The following MAP3K21 variants were observed in gnomAD, a reference collection of about 807,000 sequenced individuals.
The protein encoded by MAP3K21 is mitogen-activated protein kinase kinase kinase MLK4.
MAP3K21 carries 63 observed loss-of-function variants against 86.1 expected under a neutral mutation model. That is an observed-to-expected ratio of 0.73 (90% CI 0.60 to 0.90). The LOEUF (loss-of-function observed/expected upper bound fraction) is 0.90, where lower values mean the gene tolerates loss of function less well. MAP3K21 is among the 40% of genes least tolerant of loss of function. The probability of loss-of-function intolerance (pLI) is 0.00; values close to 1 mark genes in which losing one functional copy is unlikely to be tolerated. For synonymous variants in MAP3K21, 558 were observed against 564.8 expected (o/e 0.99, Z 0.17); for missense variants, 1,220 against 1,367.7 (o/e 0.89, Z 1.70).
intron 4 of MAP3K21, among the ~76,000 whole-genome samples, chr1:233,355,551 C>T (rs985547609): frequency 6.6e-6 from 1 of 152,178 alleles, no homozygotes; most frequent in Non-Finnish European, 1.5e-5. Context: ...TTGAATGATT[C>T]TTTGAATGCC....
intron 1 of MAP3K21, among the ~76,000 whole-genome samples, chr1:233,332,949 AT>A (rs1231267156): frequency 4.6e-5 from 7 of 151,872 alleles, no homozygotes; most frequent in African/African-American, 1.7e-4. Context: ...TATTATCTCA[AT>A]TTTTTTAGTC....
At chr1:233,349,212 A>G (rs1368368643) in intron 2 of MAP3K21, among the ~76,000 whole-genome samples, 2 of 152,196 alleles carry the variant, frequency 1.3e-5, no homozygotes, top group African/African-American at 2.4e-5. Context: ...CATTGAGTTA[A>G]TGACTAATTT....
At chr1:233,373,817 G>A (rs1476320677) in intron 6 of MAP3K21, 1 of 152,224 alleles carries the variant, frequency 6.6e-6, no homozygotes, top group African/African-American at 2.4e-5. Context: ...ACACATCTGA[G>A]TGTAGATTTC....
chr1:233,347,071 G>A (rs1572243896), intron 2 of MAP3K21, among the ~76,000 whole-genome samples: 1 of 151,956 alleles, frequency 6.6e-6, no homozygotes, highest in South Asian at 2.1e-4. Flanking sequence ...GAGGAGCGGG[G>A]GTTTAGGAGG....
intron 6 of MAP3K21, chr1:233,373,085 C>T (rs1663720590): frequency 6.6e-6 from 1 of 152,046 alleles, no homozygotes; most frequent in Admixed American, 6.5e-5. Flanking sequence ...CACCAGGATC[C>T]CCACAGAGAA....
At position 233,375,992 on chromosome 1, in the gene MAP3K21, G is replaced by A; in HGVS notation, c.1752G>A (p.Arg584=). The part of the protein sequence containing the change: ...FRQEEFEDVK[R]NFKKKGCTWG... ...AAGAAGAATTTGAGGATGTAAAAAG[G>A]AATTTTAAGAAAAAAGGTTGTACCT... is the stretch of plus-strand genomic sequence containing the variant. The change falls in exon 7 of 10, where the codon AGG becomes AGA. Residue 584 remains arginine (R), a synonymous_variant. Coordinates refer to ENST00000366624, the MANE Select transcript of MAP3K21 (RefSeq NM_032435.3). 1 of 1,607,056 alleles carries A rather than the reference G, an allele frequency of 6.2e-7. No homozygotes were observed. The highest frequency in any genetic ancestry group is 1.1e-5 in the South Asian group (1 of 88,924).
intron 4 of MAP3K21, among the ~76,000 whole-genome samples, chr1:233,360,229 T>A (rs1663441242): frequency 2.0e-5 from 3 of 152,192 alleles, no homozygotes; most frequent in African/African-American, 7.2e-5. Flanking sequence ...CCAAATACAC[T>A]ATAGTAAAAT....
intron 1 of MAP3K21, among the ~76,000 whole-genome samples, chr1:233,343,727 C>G (rs1663080849): frequency 6.6e-6 from 1 of 152,208 alleles, no homozygotes; most frequent in Admixed American, 6.5e-5. Context: ...CTGAACATCT[C>G]TGTTCCTCAG....
At chr1:233,331,413 C>G (rs1360898472) in intron 1 of MAP3K21, among the ~76,000 whole-genome samples, 3 of 152,140 alleles carry the variant, frequency 2.0e-5, no homozygotes, top group Non-Finnish European at 4.4e-5. Context: ...TGGTCTTTAT[C>G]CTGAATGTCT....
chr1:233,339,327 CTT>C (rs1558451060), intron 1 of MAP3K21, among the ~76,000 whole-genome samples: 8 of 138,446 alleles, frequency 5.8e-5, no homozygotes, highest in East Asian at 2.1e-4. Context: ...TCTTCTTCTT[CTT>C]CCTCTTCTTC....
At position 233,379,162 on chromosome 1, in the gene MAP3K21, C is replaced by T. The variant is rs141745720; in HGVS notation, c.2156C>T (p.Thr719Met). The T allele has an allele frequency of 3.8e-5, 62 of 1,614,088 alleles. No homozygotes were observed. The highest frequency in any genetic ancestry group is 3.5e-4 in the African/African-American group (26 of 74,940). Residue 719 changes from threonine to methionine, a missense_variant, in exon 9 of 10, where the codon ACG becomes ATG. Thr to Met is a moderately conservative substitution (Grantham distance 81). Transcript: ENST00000366624. ...AGTAGATCCCCCCAGAGAAAGAAAA[C>T]GGAGTCAGCTCTGTATGGGTGCACC... ...SLSRSPQRKK[T>M]ESALYGCTVL...
intron 5 of MAP3K21, among the ~76,000 whole-genome samples, chr1:233,368,571 C>T (rs1185564195): frequency 8.6e-5 from 13 of 152,000 alleles, no homozygotes. Context: ...AGGAAAATTG[C>T]TTGAGCCAGG....
Position 233,385,001 on chromosome 1 carries a change from G to A in MAP3K21, c.*2290G>A, listed in dbSNP as rs939855763. The A allele has an allele frequency of 3.3e-5, 5 of 152,210 alleles. No individual in the cohort carries two copies. Among genetic ancestry groups the A allele is most frequent in the African/African-American group, 1.2e-4 (5 of 41,446 alleles). 9.4% of individuals were successfully genotyped at this position (152,210 alleles called of 1,614,324 possible). A position where few individuals can be genotyped will look rare whatever the true frequency, so the allele number is the denominator to read the frequency against. ...TTCACTGAAAGATAAGTCAATTACT[G>A]TTAGTAAAAAATTAAGGTACTCTCA... On this transcript the variant is annotated 3_prime_UTR_variant, in exon 10 of 10. Coordinates refer to ENST00000366624, the MANE Select transcript of MAP3K21 (RefSeq NM_032435.3).
Position 233,328,963 on chromosome 1 carries a change from G to A in MAP3K21, c.805+130G>A. On this transcript the variant is annotated intron_variant, in intron 1 of 9. Coordinates refer to ENST00000366624, the MANE Select transcript of MAP3K21 (RefSeq NM_032435.3). The surrounding 1 kb of genome is among the most constrained non-coding windows in gnomAD (Gnocchi z 8.7). ...GGCGCCAGCAGCAACTCATGCCCAG[G>A]CCTTCAGGGCTCGGAAGTCCAGCTA... 2 of 899,752 alleles carry A rather than the reference G, an allele frequency of 2.2e-6. No individual in the cohort carries two copies. The highest frequency in any genetic ancestry group is 2.9e-6 in the Non-Finnish European group (2 of 681,272). The allele number at this position is 899,752 out of a possible 1,614,324, so 55.7% of individuals were successfully genotyped here.
intron 6 of MAP3K21, among the ~76,000 whole-genome samples, chr1:233,374,563 C>T (rs1397332921): frequency 6.6e-6 from 1 of 152,008 alleles, no homozygotes; most frequent in Non-Finnish European, 1.5e-5. Flanking sequence ...TGTAAGTAAC[C>T]AAACATCATC....
chr1:233,359,982 T>C (rs1663436565), intron 4 of MAP3K21, among the ~76,000 whole-genome samples: 1 of 152,134 alleles, frequency 6.6e-6, no homozygotes, highest in African/African-American at 2.4e-5. Flanking sequence ...TATTCACAAA[T>C]TTGTTCACAG....
intron 5 of MAP3K21, among the ~76,000 whole-genome samples, chr1:233,370,348 T>C (rs540026624): frequency 1.3e-5 from 2 of 152,176 alleles, no homozygotes; most frequent in Non-Finnish European, 1.5e-5. Flanking sequence ...CATATGGCTG[T>C]GGTAGAAATG....
intron 4 of MAP3K21, among the ~76,000 whole-genome samples, chr1:233,358,186 G>A (rs932283396): frequency 4.0e-5 from 6 of 151,856 alleles, no homozygotes; most frequent in East Asian, 1.9e-4. Context: ...GGGCTTGGGC[G>A]GGGCTTAAGT....
chr1:233,382,544 C>T lies in MAP3K21; in HGVS notation c.2944C>T (p.Pro982Ser), dbSNP rs1319722432. Reference protein sequence around the residue: ...ACVVGRPGPHPTQFLAAKERT... With the variant: ...ACVVGRPGPHSTQFLAAKERT... Reference sequence around the variant, plus strand: ...TGTAGTGGGTCGCCCAGGACCACATCCCACCCAATTCCTCGCTGCCAAGGA... The same window carrying T: ...TGTAGTGGGTCGCCCAGGACCACATTCCACCCAATTCCTCGCTGCCAAGGA... Residue 982 changes from proline to serine, a missense_variant, in exon 10 of 10, where the codon CCC becomes TCC. By Grantham distance (74) the Pro-to-Ser change is moderately conservative. Coordinates refer to ENST00000366624, the MANE Select transcript of MAP3K21 (RefSeq NM_032435.3). 1.2e-6 allele frequency: 2 copies of T among 1,614,164 alleles called. No individual in the cohort carries two copies. The highest frequency in any genetic ancestry group is 1.1e-5 in the South Asian group (1 of 91,084).
Sources: gnomAD v4.1 joint callset for allele counts (sites outside exome capture counted in the v4.1 genomes callset) on GRCh38, gnomAD v4.1.1 for gene constraint, Gnocchi (gnomAD v3.1) non-coding constraint, MANE v1.5 for transcripts, NCBI Gene and HGNC (gene_info 2026-07-23, HGNC 2026-07-21) for gene names.